Variants in GLCCI1 observed in about 807,000 individuals in gnomAD.
GLCCI1 encodes glucocorticoid induced 1, also known as glucocorticoid-induced transcript 1 protein.
A neutral mutation model predicts 52.2 loss-of-function variants in GLCCI1; 24 were observed. That is an observed-to-expected ratio of 0.46 (90% CI 0.33 to 0.65). The LOEUF is 0.65. GLCCI1 is among the 30% of genes least tolerant of loss of function. The pLI, the probability that GLCCI1 is intolerant of heterozygous loss-of-function variation, is 0.02. For synonymous variants in GLCCI1, 310 were observed against 276.5 expected (o/e 1.12, Z -1.20); for missense variants, 704 against 701.5 (o/e 1.00, Z -0.04).
At chr7:8,037,152 A>C (rs1490450868) in intron 3 of GLCCI1, among the ~76,000 whole-genome samples, 4 of 152,164 alleles carry the variant, frequency 2.6e-5, no homozygotes, top group African/African-American at 9.7e-5. Flanking sequence ...AAAAGCATCT[A>C]ATCTCCTGTA....
At chr7:7,981,106 C>A (rs745999254) in intron 1 of GLCCI1, 1 of 466,578 alleles carries the variant, frequency 2.1e-6, no homozygotes, top group Admixed American at 2.8e-5. Context: ...TATTAAACCT[C>A]CGGAAAAATC....
chr7:8,042,424 G>C (rs1782020554), intron 3 of GLCCI1, among the ~76,000 whole-genome samples: 1 of 152,226 alleles, frequency 6.6e-6, no homozygotes, highest in South Asian at 2.1e-4. Flanking sequence ...GGAAGAACTT[G>C]ATTCCACCCT....
chr7:7,975,932 C>G (rs1035939442), intron 1 of GLCCI1, among the ~76,000 whole-genome samples: 1 of 152,148 alleles, frequency 6.6e-6, no homozygotes, highest in Admixed American at 6.5e-5. Context: ...CTTTTCTCCC[C>G]TTTTCTCTCT....
chr7:8,050,870 T>C (rs1309498823), intron 3 of GLCCI1, among the ~76,000 whole-genome samples: 3 of 152,176 alleles, frequency 2.0e-5, no homozygotes, highest in Non-Finnish European at 4.4e-5. Context: ...TCTTCACCTT[T>C]AAAATAATAA....
At chr7:8,065,898 G>C (rs1482897212) in intron 5 of GLCCI1, among the ~76,000 whole-genome samples, 1 of 152,166 alleles carries the variant, frequency 6.6e-6, no homozygotes, top group African/African-American at 2.4e-5. Flanking sequence ...TTAGTATCAG[G>C]ATGATGTTAT....
intron 3 of GLCCI1, among the ~76,000 whole-genome samples, chr7:8,031,971 T>C (rs6953808): frequency 0.59 from 89,557 of 151,372 alleles, 26,636 homozygotes; most frequent in African/African-American, 0.66. Context: ...AAATGAGAAA[T>C]TATAATTATA....
intron 3 of GLCCI1, among the ~76,000 whole-genome samples, chr7:8,033,042 G>A (rs919913271): frequency 1.2e-4 from 18 of 151,250 alleles, no homozygotes; most frequent in African/African-American, 4.1e-4. Flanking sequence ...TAAATAAGAG[G>A]GATTATATAC....
At chr7:8,047,540 A>G (rs983542011) in intron 3 of GLCCI1, among the ~76,000 whole-genome samples, 4 of 152,252 alleles carry the variant, frequency 2.6e-5, no homozygotes, top group African/African-American at 9.6e-5. Context: ...ACTTTTTAGC[A>G]TTCATTATCA....
intron 1 of GLCCI1, among the ~76,000 whole-genome samples, chr7:7,985,967 A>G (rs1365972264): frequency 6.6e-6 from 1 of 152,206 alleles, no homozygotes; most frequent in Non-Finnish European, 1.5e-5. Flanking sequence ...GTATTTTTAT[A>G]GTTGGTACCT....
Position 7,969,276 on chromosome 7 carries a change from G to C in GLCCI1, c.-75G>C. 8.0e-7 allele frequency: 1 copy of C among 1,252,758 alleles called. No individual in the cohort carries two copies. Among genetic ancestry groups the C allele is most frequent in the Non-Finnish European group, 1.0e-6 (1 of 984,216 alleles). 77.6% of individuals were successfully genotyped at this position (1,252,758 alleles called of 1,614,324 possible). ...CACACTCGCACGCACTATCGCGCCGGCTCCCACACGCTCGCGCGCCTCCCG... is the reference window on the plus strand; with the variant it reads ...CACACTCGCACGCACTATCGCGCCGCCTCCCACACGCTCGCGCGCCTCCCG... On this transcript the variant is annotated 5_prime_UTR_variant, in exon 1 of 8. Transcript: ENST00000223145. The surrounding 1 kb of genome is among the most constrained non-coding windows in gnomAD (Gnocchi z 4.9).
chr7:8,016,462 C>A (rs145954895), intron 2 of GLCCI1, among the ~76,000 whole-genome samples: 5,586 of 152,066 alleles, frequency 0.037, 142 homozygotes, highest in Non-Finnish European at 0.057. Flanking sequence ...GAGCGAGACT[C>A]CATCTCAAAA....
intron 3 of GLCCI1, among the ~76,000 whole-genome samples, chr7:8,046,811 G>T (rs904176675): frequency 6.6e-6 from 1 of 152,086 alleles, no homozygotes; most frequent in African/African-American, 2.4e-5. Flanking sequence ...CTCATATTTG[G>T]CTCAGAATAA....
At chr7:8,084,112 A>ATGTGTC (rs1235287912) in intron 6 of GLCCI1, among the ~76,000 whole-genome samples, 1 of 152,256 alleles carries the variant, frequency 6.6e-6, no homozygotes, top group Non-Finnish European at 1.5e-5. Context: ...CTCTTATAAA[A>ATGTGTC]ATAATGACAC....
intron 6 of GLCCI1, among the ~76,000 whole-genome samples, chr7:8,082,921 AAG>A (rs2127969303): frequency 6.6e-6 from 1 of 152,330 alleles, no homozygotes; most frequent in East Asian, 1.9e-4. Flanking sequence ...TAGTAAGAAA[AAG>A]AACACAGAAG....
intron 1 of GLCCI1, among the ~76,000 whole-genome samples, chr7:8,003,193 C>G (rs1583962415): frequency 6.6e-6 from 1 of 152,134 alleles, no homozygotes; most frequent in East Asian, 1.9e-4. Context: ...AAAGCAGAGA[C>G]AGGCAAGTAT....
chr7:8,003,824 T>C, intron 1 of GLCCI1, 84 bp from the exon 2 acceptor site: 2 of 1,237,328 alleles, frequency 1.6e-6, no homozygotes, highest in Non-Finnish European at 2.2e-6. Flanking sequence ...ATTGACAGGA[T>C]GACATTCTAC....
At chr7:8,049,358 T>C (rs1204063278) in intron 3 of GLCCI1, among the ~76,000 whole-genome samples, 2 of 152,186 alleles carry the variant, frequency 1.3e-5, no homozygotes, top group African/African-American at 4.8e-5. Flanking sequence ...ACAATTGCAG[T>C]AATGGTTTTT....
At chr7:7,973,683 T>G (rs1780401629) in intron 1 of GLCCI1, among the ~76,000 whole-genome samples, 1 of 152,058 alleles carries the variant, frequency 6.6e-6, no homozygotes, top group South Asian at 2.1e-4. Flanking sequence ...AACTCTAGAG[T>G]GAAATTTGAT....
intron 2 of GLCCI1, among the ~76,000 whole-genome samples, chr7:8,010,879 T>G (rs38023): frequency 0.43 from 65,898 of 151,810 alleles, 14,610 homozygotes; most frequent in Middle Eastern, 0.52. Context: ...TTCCATTTGA[T>G]GGATCATGGG....
Sources: allele counts gnomAD v4.1 joint callset (sites outside exome capture counted in the v4.1 genomes callset), GRCh38; gene constraint gnomAD v4.1.1; non-coding constraint Gnocchi (gnomAD v3.1); transcripts MANE v1.5; gene names NCBI Gene and HGNC (gene_info 2026-07-23, HGNC 2026-07-21).